Variants in SLC35F3 observed in about 807,000 individuals in gnomAD.
The protein encoded by SLC35F3 is solute carrier family 35 member F3.
Under a neutral mutation model 49.9 loss-of-function variants are expected in SLC35F3, and 25 were observed. That is an observed-to-expected ratio of 0.50 (90% CI 0.37 to 0.70). The LOEUF (loss-of-function observed/expected upper bound fraction) is 0.70. SLC35F3 is among the 30% of genes least tolerant of loss of function. The probability of loss-of-function intolerance (pLI) is 0.00; values close to 1 mark genes in which losing one functional copy is unlikely to be tolerated. For synonymous variants in SLC35F3, 275 were observed against 265.4 expected, an observed-to-expected ratio of 1.04 and a Z score of -0.35; for missense variants, 525 against 639.8, an observed-to-expected ratio of 0.82 and a Z score of 1.94.
At chr1:234,071,020 G>C (rs1421301720) in intron 2 of SLC35F3, among the ~76,000 whole-genome samples, 2 of 152,192 alleles carry the variant, frequency 1.3e-5, no homozygotes, top group Non-Finnish European at 2.9e-5. Context: ...GCAGCCGACA[G>C]AGCCTCACGA....
At chr1:234,096,784 A>G (rs1255525328) in intron 2 of SLC35F3, among the ~76,000 whole-genome samples, 1 of 152,228 alleles carries the variant, frequency 6.6e-6, no homozygotes, top group African/African-American at 2.4e-5. Context: ...GGCTATTTCA[A>G]TGACCTAATA....
intron 2 of SLC35F3, among the ~76,000 whole-genome samples, chr1:234,200,502 T>C (rs983318042): frequency 2.0e-5 from 3 of 152,220 alleles, no homozygotes; most frequent in Non-Finnish European, 4.4e-5. Context: ...AACTGCCTGA[T>C]AGCCTTACCA....
intron 3 of SLC35F3, among the ~76,000 whole-genome samples, chr1:234,259,065 T>C (rs1667863288): frequency 6.6e-6 from 1 of 152,172 alleles, no homozygotes; most frequent in South Asian, 2.1e-4. Flanking sequence ...TTGAGAGCAG[T>C]GGGAATATTA....
At chr1:233,967,689 A>G (rs1662925219) in intron 2 of SLC35F3, among the ~76,000 whole-genome samples, 1 of 152,208 alleles carries the variant, frequency 6.6e-6, no homozygotes, top group East Asian at 1.9e-4. Context: ...TAATCTTTTA[A>G]AAGTAGATTT....
chr1:234,260,424 C>T (rs1031443122), intron 3 of SLC35F3, among the ~76,000 whole-genome samples: 4 of 152,174 alleles, frequency 2.6e-5, no homozygotes, highest in African/African-American at 7.2e-5. Flanking sequence ...AAGAATTCAG[C>T]GATGGCCATC....
intron 2 of SLC35F3, among the ~76,000 whole-genome samples, chr1:234,011,103 A>G (rs1384991246): frequency 6.6e-6 from 1 of 152,188 alleles, no homozygotes; most frequent in Non-Finnish European, 1.5e-5. Flanking sequence ...GACCCCAAAC[A>G]CTTCTAATAT....
intron 2 of SLC35F3, among the ~76,000 whole-genome samples, chr1:234,072,792 G>A (rs1218909608): frequency 6.6e-6 from 1 of 152,192 alleles, no homozygotes; most frequent in African/African-American, 2.4e-5. Context: ...CATGGGCAAG[G>A]GGGCAAGGGT....
At chr1:233,906,780 G>A (rs1401668408) in intron 2 of SLC35F3, among the ~76,000 whole-genome samples, 6 of 152,096 alleles carry the variant, frequency 3.9e-5, no homozygotes, top group Admixed American at 3.9e-4. Flanking sequence ...TCTATCTTTA[G>A]ATTATTCCTA....
At position 233,905,595 on chromosome 1, in the gene SLC35F3, G is replaced by A. The variant is rs1397261295; in HGVS notation, c.120G>A (p.Gln40=). ...RLSDISPQLR[Q]LKYLVVDEAI... is the part of the protein sequence containing the mutation. ...CCGACATCAGCCCCCAGCTCCGGCA[G>A]CTCAAGTACTTGGTGGTGGACGAGG... Residue 40 remains glutamine, a synonymous_variant, in exon 2 of 8, where the codon CAG becomes CAA. Coordinates refer to ENST00000366618, the MANE Select transcript of SLC35F3 (RefSeq NM_173508.4). 1.2e-6 allele frequency: 2 copies of A among 1,614,172 alleles called. No individual in the cohort carries two copies. Among genetic ancestry groups the A allele is most frequent in the South Asian group, 2.2e-5 (2 of 91,092 alleles).
intron 2 of SLC35F3, among the ~76,000 whole-genome samples, chr1:233,940,544 T>C (rs1291566310): frequency 1.3e-5 from 2 of 152,192 alleles, no homozygotes; most frequent in African/African-American, 4.8e-5. Context: ...CATTCAAAGA[T>C]AGATTTCTAA....
chr1:234,310,234 C>T (rs1355924936), intron 4 of SLC35F3, among the ~76,000 whole-genome samples: 1 of 152,154 alleles, frequency 6.6e-6, no homozygotes, highest in Non-Finnish European at 1.5e-5. Context: ...ACAGCTTTCC[C>T]CTTCAGCCAC....
chr1:234,161,687 T>A (rs2102913604), intron 2 of SLC35F3, among the ~76,000 whole-genome samples: 1 of 152,276 alleles, frequency 6.6e-6, no homozygotes, highest in Admixed American at 6.5e-5. Flanking sequence ...GCACCTGTTG[T>A]CTTAGCTACT....
intron 3 of SLC35F3, among the ~76,000 whole-genome samples, chr1:234,233,471 G>A (rs1667415885): frequency 6.6e-6 from 1 of 152,210 alleles, no homozygotes; most frequent in Non-Finnish European, 1.5e-5. Context: ...TCCCAAATGT[G>A]CTCCATGGCT....
At chr1:233,909,473 G>A (rs1661833596) in intron 2 of SLC35F3, among the ~76,000 whole-genome samples, 2 of 152,230 alleles carry the variant, frequency 1.3e-5, no homozygotes, top group African/African-American at 4.8e-5. Context: ...TCTGGGACAG[G>A]GAGCTTTGAA....
chr1:234,104,958 G>A (rs112879099), intron 2 of SLC35F3, among the ~76,000 whole-genome samples: 103 of 151,988 alleles, frequency 6.8e-4, no homozygotes, highest in South Asian at 1.9e-3. Flanking sequence ...GTGAAACCCC[G>A]TCTCTACTAA....
intron 2 of SLC35F3, among the ~76,000 whole-genome samples, chr1:234,022,222 A>G (rs1663906944): frequency 8.7e-6 from 1 of 115,486 alleles, no homozygotes; most frequent in Non-Finnish European, 2.2e-5. Context: ...CACTCCCTGT[A>G]TTAGTCTGGG....
Position 234,196,595 on chromosome 1 carries a change from C to T in SLC35F3, c.284-34822C>T, listed in dbSNP as rs1030836908. ...GCCTGGCTCCCCACTAACATGTAAGCCCGAGGAGGGCAGATTCTGGAAATG... is the reference window on the plus strand; with the variant it reads ...GCCTGGCTCCCCACTAACATGTAAGTCCGAGGAGGGCAGATTCTGGAAATG... On this transcript the variant is annotated intron_variant, in intron 2 of 7. Coordinates refer to ENST00000366618, the MANE Select transcript of SLC35F3 (RefSeq NM_173508.4). Among the ~76,000 whole-genome samples, 6 of 152,310 alleles carry T rather than the reference C, an allele frequency of 3.9e-5. 1 individual carries two copies. The highest frequency in any genetic ancestry group is 6.5e-5 in the Admixed American group (1 of 15,306).
At chr1:234,187,103 T>A (rs1666653685) in intron 2 of SLC35F3, among the ~76,000 whole-genome samples, 1 of 152,114 alleles carries the variant, frequency 6.6e-6, no homozygotes, top group South Asian at 2.1e-4. Flanking sequence ...AAGGGGAAAT[T>A]GATGATGGGC....
At chr1:234,091,719 C>T (rs959559965) in intron 2 of SLC35F3, among the ~76,000 whole-genome samples, 2 of 152,064 alleles carry the variant, frequency 1.3e-5, no homozygotes, top group African/African-American at 4.8e-5. Context: ...TTAAATGAGC[C>T]TCTTCCCTAT....
Sources: allele counts gnomAD v4.1 joint callset (sites outside exome capture counted in the v4.1 genomes callset), GRCh38; gene constraint gnomAD v4.1.1; transcripts MANE v1.5; gene names NCBI Gene and HGNC (gene_info 2026-07-23, HGNC 2026-07-21).